SPOCK3: variants seen among roughly 807,000 people sequenced by gnomAD.
SPOCK3 encodes the protein SPARC (osteonectin), cwcv and kazal like domains proteoglycan 3.
In SPOCK3, 30 loss-of-function variants were observed where a neutral mutation model predicts 56.6. The ratio of observed to expected loss-of-function variants is 0.53; its 90% confidence interval spans 0.40 to 0.72. The LOEUF (loss-of-function observed/expected upper bound fraction) is 0.72. Ranked by LOEUF, SPOCK3 falls within the 30% of genes least tolerant of loss-of-function variation. The pLI is 0.00. For missense variants in SPOCK3, 527 were observed against 530.0 expected (o/e 0.99, Z 0.06); for synonymous variants, 196 against 183.3 (o/e 1.07, Z -0.56).
rs544048653 is a variant in SPOCK3, at chr4:166,770,193, C to G, written c.710-15464G>C. 1.1e-3 allele frequency among the ~76,000 whole-genome samples: 170 copies of G among 152,038 alleles called. 1 individual carries two copies. Among genetic ancestry groups the G allele is most frequent in the South Asian group, 1.4e-3 (7 of 4,828 alleles). ...ACACTGGTGGGCTGCACCCACTGTC[C>G]TGCCCCCACTGTCCGATAAGCCCCA... On this transcript the variant is annotated intron_variant, in intron 7 of 10. Transcript: ENST00000357545.
At chr4:166,985,818 C>G (rs1220002484) in intron 4 of SPOCK3, among the ~76,000 whole-genome samples, 1 of 152,096 alleles carries the variant, frequency 6.6e-6, no homozygotes, top group African/African-American at 2.4e-5. Context: ...CTGCTTATAT[C>G]TCAATAGAAA....
At position 166,778,895 on chromosome 4, in the gene SPOCK3, G is replaced by GA. The variant is rs574664049; in HGVS notation, c.709+13274dup. Among the ~76,000 whole-genome samples the GA allele has an allele frequency of 2.5e-3, 379 of 152,052 alleles. 3 individuals are homozygous for GA. The highest frequency in any genetic ancestry group is 8.5e-3 in the African/African-American group (352 of 41,474). On this transcript the variant is annotated intron_variant, in intron 7 of 10. Coordinates refer to ENST00000357545, the MANE Select transcript of SPOCK3 (RefSeq NM_001040159.2). ...GTGCAAGGTAGCAATAACACTGGTA[G>GA]AAAAAAATGCAGACTTTTTAGCCTG...
intron 4 of SPOCK3, among the ~76,000 whole-genome samples, chr4:166,954,800 A>G (rs1743185100): frequency 6.6e-6 from 1 of 152,118 alleles, no homozygotes; most frequent in Non-Finnish European, 1.5e-5. Flanking sequence ...CTTAGTGCCT[A>G]TTGGCATGAA....
chr4:166,820,294 T>A (rs12645677), intron 6 of SPOCK3, among the ~76,000 whole-genome samples: 1 of 152,044 alleles, frequency 6.6e-6, no homozygotes, highest in Non-Finnish European at 1.5e-5. Flanking sequence ...ATCAAAACAT[T>A]GTACTTCATA....
At chr4:166,778,264 C>T (rs1465668398) in intron 7 of SPOCK3, among the ~76,000 whole-genome samples, 2 of 152,146 alleles carry the variant, frequency 1.3e-5, no homozygotes, top group African/African-American at 2.4e-5. Context: ...AATGTAGACA[C>T]ATAAGCAGTA....
At chr4:166,955,200 T>A (rs1192397504) in intron 4 of SPOCK3, among the ~76,000 whole-genome samples, 2 of 152,026 alleles carry the variant, frequency 1.3e-5, no homozygotes, top group East Asian at 3.8e-4. Context: ...GAAAAATGTA[T>A]GAGTTTCTAT....
At chr4:166,909,625 C>A (rs576252718) in intron 5 of SPOCK3, among the ~76,000 whole-genome samples, 2 of 152,170 alleles carry the variant, frequency 1.3e-5, no homozygotes, top group South Asian at 4.1e-4. Context: ...TGTAGGGCCC[C>A]ACATCCAAGA....
At chr4:166,979,545 T>C (rs571395614) in intron 4 of SPOCK3, among the ~76,000 whole-genome samples, 1 of 152,164 alleles carries the variant, frequency 6.6e-6, no homozygotes, top group African/African-American at 2.4e-5. Flanking sequence ...TCTGTAATTA[T>C]CTCTTTTTAC....
chr4:166,991,339 T>TCTTATA, intron 4 of SPOCK3, among the ~76,000 whole-genome samples: 1 of 124,446 alleles, frequency 8.0e-6, no homozygotes, highest in African/African-American at 3.1e-5. Context: ...GACTTTTTGT[T>TCTTATA]TTTATATTTA....
chr4:167,116,911 G>GTATATATATATA (rs1279038321), intron 2 of SPOCK3, among the ~76,000 whole-genome samples: 2,161 of 115,086 alleles, frequency 0.019, 43 homozygotes, highest in Non-Finnish European at 0.029. Context: ...GTGTGTGTGT[G>GTATATATATATA]TGTATATATA....
chr4:166,949,276 C>G (rs931205629), intron 4 of SPOCK3, among the ~76,000 whole-genome samples: 1 of 152,090 alleles, frequency 6.6e-6, no homozygotes, highest in African/African-American at 2.4e-5. Flanking sequence ...AACTTCTTTG[C>G]CTTTGGTTTG....
intron 2 of SPOCK3, among the ~76,000 whole-genome samples, chr4:167,068,994 G>T (rs965891166): frequency 1.3e-5 from 2 of 151,834 alleles, no homozygotes; most frequent in African/African-American, 4.8e-5. Flanking sequence ...ATTTCCCAAG[G>T]TATCTGAAGT....
chr4:166,838,170 G>C (rs1231467161), intron 6 of SPOCK3, among the ~76,000 whole-genome samples: 1 of 152,006 alleles, frequency 6.6e-6, no homozygotes, highest in Non-Finnish European at 1.5e-5. Context: ...GCTTTATCTT[G>C]TTTGGGGTTT....
At chr4:167,032,667 AAAAAG>A (rs1302240982) in intron 3 of SPOCK3, among the ~76,000 whole-genome samples, 9 of 152,096 alleles carry the variant, frequency 5.9e-5, no homozygotes, top group Middle Eastern at 3.4e-3. Context: ...GCTTTATAAA[AAAAAG>A]AAAATACTGC....
chr4:166,765,191 T>A (rs1188179791), intron 7 of SPOCK3, among the ~76,000 whole-genome samples: 1 of 152,238 alleles, frequency 6.6e-6, no homozygotes, highest in Non-Finnish European at 1.5e-5. Flanking sequence ...TTTAGTTTAA[T>A]TAGATCCCAT....
At chr4:166,797,184 A>C (rs1742027120) in intron 6 of SPOCK3, among the ~76,000 whole-genome samples, 1 of 151,564 alleles carries the variant, frequency 6.6e-6, no homozygotes, top group East Asian at 1.9e-4. Flanking sequence ...CAGGTACAAA[A>C]GGGAATTAAT....
chr4:166,778,807 T>A (rs996688846), intron 7 of SPOCK3, among the ~76,000 whole-genome samples: 1 of 151,268 alleles, frequency 6.6e-6, no homozygotes, highest in African/African-American at 2.4e-5. Context: ...AGGAAGGAGG[T>A]TATGTGTAGT....
At chr4:167,219,128 T>C (rs1735648946) in intron 2 of SPOCK3, among the ~76,000 whole-genome samples, 1 of 152,210 alleles carries the variant, frequency 6.6e-6, no homozygotes, top group Non-Finnish European at 1.5e-5. Flanking sequence ...TCAGGGATTG[T>C]TCATTTTAGA....
At chr4:166,912,794 CATTTATAT>C in intron 4 of SPOCK3, 51 bp from the exon 5 acceptor site, 1 of 1,483,068 alleles carries the variant, frequency 6.7e-7, no homozygotes, top group Non-Finnish European at 9.0e-7. Context: ...TTAAAATATA[CATTTATAT>C]TAGCTCATTC....
Sources: allele counts gnomAD v4.1 joint callset (sites outside exome capture counted in the v4.1 genomes callset), GRCh38; gene constraint gnomAD v4.1.1; transcripts MANE v1.5; gene names NCBI Gene and HGNC (gene_info 2026-07-23, HGNC 2026-07-21).